AUTS2: variants seen among roughly 807,000 people sequenced by gnomAD.
AUTS2 encodes autism susceptibility gene 2 protein.
A neutral mutation model predicts 112.4 loss-of-function variants in AUTS2; 17 were observed. That is an observed-to-expected ratio of 0.15 (90% confidence interval 0.10 to 0.23). The LOEUF (loss-of-function observed/expected upper bound fraction) is 0.23, where lower values mean the gene tolerates loss of function less well. AUTS2 is among the 10% of genes least tolerant of loss of function. The pLI is 1.00. For missense variants in AUTS2, 1,510 were observed against 1,701.6 expected (o/e 0.89, Z 1.98); for synonymous variants, 751 against 702.7 (o/e 1.07, Z -1.09).
intron 5 of AUTS2, among the ~76,000 whole-genome samples, chr7:70,474,612 A>T (rs541176990): frequency 1.3e-5 from 2 of 152,178 alleles, no homozygotes; most frequent in Non-Finnish European, 2.9e-5. Context: ...ACTCCTTTCC[A>T]TTTACCTCAT....
intron 5 of AUTS2, among the ~76,000 whole-genome samples, chr7:70,668,644 C>CCAAGTGGCCT (rs775689318): frequency 3.1e-4 from 47 of 152,318 alleles, no homozygotes; most frequent in South Asian, 2.3e-3. Flanking sequence ...CAGGCTGTCC[C>CCAAGTGGCCT]CAAGTGGCCT....
chr7:69,867,092 C>G (rs1793269958), intron 1 of AUTS2, among the ~76,000 whole-genome samples: 1 of 152,216 alleles, frequency 6.6e-6, no homozygotes. Context: ...TGGTGTGTCT[C>G]GTAAAGAGGA....
chr7:69,792,103 AT>A (rs1789630112), intron 1 of AUTS2, among the ~76,000 whole-genome samples: 1 of 152,132 alleles, frequency 6.6e-6, no homozygotes, highest in African/African-American at 2.4e-5. Context: ...AAAGCTAGTG[AT>A]ACCTCCTTCT....
chr7:69,954,110 G>T lies in AUTS2; in HGVS notation c.522+54612G>T, dbSNP rs984221701. Among the ~76,000 whole-genome samples, 9 of 152,132 alleles carry T rather than the reference G, an allele frequency of 5.9e-5. No homozygotes were observed. The East Asian group carries it at 1.7e-3, about 29-fold the overall frequency. On this transcript the variant is annotated intron_variant, in intron 2 of 18. Coordinates refer to ENST00000342771, the MANE Select transcript of AUTS2 (RefSeq NM_015570.4). ...TTTAAGGTATATAGCTTGATTATGA[G>T]ATATATAAGTATACATTGTGAATAT... is the stretch of plus-strand genomic sequence containing the variant.
At chr7:70,642,789 G>GAGTA (rs151181749) in intron 5 of AUTS2, among the ~76,000 whole-genome samples, 1 of 39,378 alleles carries the variant, frequency 2.5e-5, no homozygotes, top group Non-Finnish European at 4.2e-5. Context: ...ACATAAACAT[G>GAGTA]CGTGTCAACT....
chr7:70,069,898 A>G (rs1802675629), intron 2 of AUTS2, among the ~76,000 whole-genome samples: 1 of 152,072 alleles, frequency 6.6e-6, no homozygotes, highest in Non-Finnish European at 1.5e-5. Flanking sequence ...TGGGATGTAG[A>G]TCATTTTTAT....
intron 4 of AUTS2, among the ~76,000 whole-genome samples, chr7:70,215,484 A>G (rs958327840): frequency 2.6e-5 from 4 of 152,310 alleles, no homozygotes; most frequent in East Asian, 3.9e-4. Flanking sequence ...GGCTGACTCA[A>G]TCAGATTTGT....
intron 1 of AUTS2, among the ~76,000 whole-genome samples, chr7:69,872,692 A>G (rs565946036): frequency 6.6e-6 from 1 of 151,940 alleles, no homozygotes; most frequent in Non-Finnish European, 1.5e-5. Context: ...TGCAACCACT[A>G]CAGTGGTTGG....
At chr7:70,580,009 C>T (rs1020578556) in intron 5 of AUTS2, among the ~76,000 whole-genome samples, 10 of 152,114 alleles carry the variant, frequency 6.6e-5, no homozygotes, top group Non-Finnish European at 1.2e-4. Flanking sequence ...AAGATGTCTT[C>T]GAGGCCAGGA....
chr7:70,053,544 G>GTTTTTTTTTTTTTTTTTTTTTTTTTTT lies in AUTS2; in HGVS notation c.523-64576_523-64575insTTTTTTTTTTTTTTTTTTTTTTTTTTT, dbSNP rs200867539. 1.7e-3 allele frequency among the ~76,000 whole-genome samples: 212 copies of GTTTTTTTTTTTTTTTTTTTTTTTTTTT among 127,732 alleles called. 17 individuals carry two copies. Among genetic ancestry groups the GTTTTTTTTTTTTTTTTTTTTTTTTTTT allele is most frequent in the East Asian group, 4.9e-3 (21 of 4,328 alleles). 83.8% of individuals were successfully genotyped at this position (127,732 alleles called of 152,430 possible). A position where few individuals can be genotyped will look rare whatever the true frequency, so the allele number is the denominator to read the frequency against. ...ATTGTGGCAACCACTGTTTTGGGTG[G>GTTTTTTTTTTTTTTTTTTTTTTTTTTT]TTTTTTTTTTTTGGAGACAGGATCT... On this transcript the variant is annotated intron_variant, in intron 2 of 18. Transcript: ENST00000342771.
Position 70,508,272 on chromosome 7 carries a change from AG to A in AUTS2, c.690+72497del, listed in dbSNP as rs1334709439. On this transcript the variant is annotated intron_variant, in intron 5 of 18. Coordinates refer to ENST00000342771, the MANE Select transcript of AUTS2 (RefSeq NM_015570.4). ...ATCATTAATAGTGCTGTCAAAAAGG[AG>A]GGGGGTAGGGAGAGAAGGAAAGAAA... is the stretch of plus-strand genomic sequence containing the variant. 2.6e-5 allele frequency among the ~76,000 whole-genome samples: 4 copies of A among 151,674 alleles called. No individual in the cohort carries two copies. In the South Asian group the frequency reaches 6.3e-4, roughly 24 times the overall value.
At chr7:69,742,323 A>G (rs1000531533) in intron 1 of AUTS2, among the ~76,000 whole-genome samples, 7 of 152,048 alleles carry the variant, frequency 4.6e-5, no homozygotes, top group African/African-American at 9.7e-5. Flanking sequence ...TTCATCTCAA[A>G]AGGTAGTTAG....
In AUTS2 at chr7:70,051,503, G is replaced by T. The variant is rs374245346; in HGVS notation, c.523-66629G>T. Reference sequence around the variant, plus strand: ...AGGCCGAGGCAGGTGGATCACCTGAGTTCAGGAGTTCCAGACCAACCTGGC... The same window carrying T: ...AGGCCGAGGCAGGTGGATCACCTGATTTCAGGAGTTCCAGACCAACCTGGC... On this transcript the variant is annotated intron_variant, in intron 2 of 18. Coordinates refer to ENST00000342771, the MANE Select transcript of AUTS2 (RefSeq NM_015570.4). 9.7e-4 allele frequency among the ~76,000 whole-genome samples: 147 copies of T among 152,292 alleles called. 1 individual carries two copies. The East Asian group carries it at 0.01, about 11-fold the overall frequency.
chr7:70,530,851 A>G (rs151292986), intron 5 of AUTS2, among the ~76,000 whole-genome samples: 23 of 152,158 alleles, frequency 1.5e-4, no homozygotes, highest in African/African-American at 5.5e-4. Context: ...CTCTGCCCCA[A>G]CATTCACTCA....
intron 4 of AUTS2, among the ~76,000 whole-genome samples, chr7:70,296,499 G>A (rs1031221026): frequency 1.3e-4 from 20 of 152,186 alleles, no homozygotes; most frequent in African/African-American, 2.9e-4. Flanking sequence ...CAGCATATAC[G>A]TACAGTTTTG....
At chr7:70,225,429 G>A (rs903429509) in intron 4 of AUTS2, among the ~76,000 whole-genome samples, 1 of 152,144 alleles carries the variant, frequency 6.6e-6, no homozygotes, top group Non-Finnish European at 1.5e-5. Flanking sequence ...TTGATGGGTA[G>A]TCATTCTGCC....
intron 3 of AUTS2, among the ~76,000 whole-genome samples, chr7:70,132,675 T>C (rs1167433553): frequency 2.6e-5 from 4 of 152,076 alleles, no homozygotes; most frequent in Non-Finnish European, 2.9e-5. Flanking sequence ...CCCTGAGTAA[T>C]GTACAATATA....
intron 1 of AUTS2, among the ~76,000 whole-genome samples, chr7:69,709,427 G>T (rs1263846456): frequency 6.6e-6 from 1 of 152,178 alleles, no homozygotes; most frequent in Non-Finnish European, 1.5e-5. Context: ...ATGGAGTTCT[G>T]CAGTACAGCC....
Position 70,763,216 on chromosome 7 carries a change from G to A in AUTS2, c.1089G>A (p.Arg363=), listed in dbSNP as rs761979188. The A allele has an allele frequency of 2.5e-6, 4 of 1,614,052 alleles. No individual in the cohort carries two copies. The South Asian group carries it at 3.3e-5, about 13-fold the overall frequency. The change falls in exon 7 of 19, where the codon AGG becomes AGA. Residue 363 remains arginine, a synonymous_variant. Coordinates refer to ENST00000342771, the MANE Select transcript of AUTS2 (RefSeq NM_015570.4). The part of the protein sequence containing the change: ...APQPQVQRPP[R]PQSPTQLLHQ... ...AGCCTCAGGTGCAGAGGCCACCCAG[G>A]CCACAGTCCCCCACCCAGCTGCTCC...
Sources: gnomAD v4.1 joint callset for allele counts (sites outside exome capture counted in the v4.1 genomes callset) on GRCh38, gnomAD v4.1.1 for gene constraint, MANE v1.5 for transcripts, NCBI Gene and HGNC (gene_info 2026-07-23, HGNC 2026-07-21) for gene names.